Variants in FHAD1 observed in about 807,000 individuals in gnomAD.
FHAD1 encodes forkhead associated phosphopeptide binding domain 1.
FHAD1 carries 146 observed loss-of-function variants against 191.3 expected under a neutral mutation model. The observed-to-expected ratio is 0.76, with a 90% CI of 0.67 to 0.88. The LOEUF is 0.88. Ranked by LOEUF, FHAD1 falls within the 40% of genes least tolerant of loss-of-function variation. FHAD1 has a pLI of 0.00. For synonymous variants in FHAD1, 616 were observed against 672.3 expected, an observed-to-expected ratio of 0.92 and a Z score of 1.29; for missense variants, 1,635 against 1,785.8, an observed-to-expected ratio of 0.92 and a Z score of 1.52.
rs1652257064 is a variant in FHAD1, at chr1:15,263,853, T to A, written c.94-8470T>A. Among the ~76,000 whole-genome samples the A allele has an allele frequency of 2.0e-5, 3 of 152,180 alleles. No individual in the cohort carries two copies. In the South Asian group the frequency reaches 6.2e-4, roughly 31 times the overall value. On this transcript the variant is annotated intron_variant, in intron 2 of 33. Transcript: ENST00000688493. ...ATTCTTTTACTAATACATGTGGATA[T>A]CCAGTTTTCCCAGCATCATTTGTTG...
At chr1:15,357,823 A>C in intron 20 of FHAD1, 1 of 264,640 alleles carries the variant, frequency 3.8e-6, no homozygotes. Flanking sequence ...TCAAATATTT[A>C]AAGGGCTGTC....
At position 15,387,339 on chromosome 1, in the gene FHAD1, A is replaced by T. The variant is rs138661667; in HGVS notation, c.4189-712A>T. Among the ~76,000 whole-genome samples the T allele has an allele frequency of 5.4e-3, 823 of 152,270 alleles. 6 individuals carry two copies. Among genetic ancestry groups the T allele is most frequent in the African/African-American group, 0.019 (785 of 41,570 alleles). ...TTGACCAAAAAGTAGAAATTGGTAG[A>T]TGTGTGGGATGAGAATGGGATGGGG... On this transcript the variant is annotated intron_variant, in intron 31 of 33. Coordinates refer to ENST00000688493, the MANE Select transcript of FHAD1 (RefSeq NM_001391957.1).
rs1313156554 is a variant in FHAD1 at position 15,301,426 on chromosome 1, G to C, written c.900G>C (p.Gln300His). 1.9e-5 allele frequency: 29 copies of C among 1,551,618 alleles called. No homozygotes were observed. Among genetic ancestry groups the C allele is most frequent in the South Asian group, 2.4e-5 (2 of 84,006 alleles). The change falls in exon 6 of 34, where the codon CAG becomes CAC. Residue 300 changes from glutamine (Q) to histidine (H), a missense_variant. Transcript: ENST00000688493. ...EDIDAKQKEI[Q>H]SLKSQISALQ... ...TCGATGCCAAACAGAAAGAGATCCA[G>C]AGCTTGAAAAGCCAGGTAGGCAGAG... is the stretch of plus-strand genomic sequence containing the variant.
At chr1:15,360,079 C>T (rs1469572118) in intron 21 of FHAD1, among the ~76,000 whole-genome samples, 2 of 152,190 alleles carry the variant, frequency 1.3e-5, no homozygotes, top group African/African-American at 4.8e-5. Context: ...TGCCACTGCA[C>T]TCTAATGTGG....
chr1:15,263,801 G>C (rs190859227), intron 2 of FHAD1, among the ~76,000 whole-genome samples: 1 of 152,170 alleles, frequency 6.6e-6, no homozygotes, highest in Non-Finnish European at 1.5e-5. Context: ...GATTACAGGC[G>C]TGAGCCACTG....
chr1:15,331,309 G>GGGTTGGA (rs1237642859), intron 14 of FHAD1, among the ~76,000 whole-genome samples: 2 of 151,846 alleles, frequency 1.3e-5, no homozygotes, highest in African/African-American at 4.8e-5. Context: ...CCACACAGCG[G>GGGTTGGA]GGGCCTAATA....
chr1:15,360,539 A>G lies in FHAD1; in HGVS notation c.2798A>G (p.Gln933Arg). 1.9e-6 allele frequency: 3 copies of G among 1,551,972 alleles called. No individual in the cohort carries two copies. In the South Asian group the frequency reaches 3.6e-5, roughly 18 times the overall value. The change falls in exon 22 of 34, where the codon CAG (glutamine) becomes CGG (arginine). Residue 933 changes from glutamine to arginine, a missense_variant. Transcript: ENST00000688493. The part of the protein sequence containing the change: ...QKMVKALQDE[Q>R]ESQRHGFEEE... ...ATGGTAAAGGCCCTCCAGGATGAGC[A>G]GGAATCACAGAGACACGGGTTTGAA...
At chr1:15,295,136 A>G (rs998626304) in intron 4 of FHAD1, among the ~76,000 whole-genome samples, 3 of 152,190 alleles carry the variant, frequency 2.0e-5, no homozygotes, top group Admixed American at 2.0e-4. Flanking sequence ...CAGGCTCTGG[A>G]TCAGGCAAAC....
chr1:15,386,179 T>C (rs2103045126), intron 31 of FHAD1, among the ~76,000 whole-genome samples: 1 of 151,714 alleles, frequency 6.6e-6, no homozygotes, highest in South Asian at 2.1e-4. Flanking sequence ...CTTCGTGGGG[T>C]GGTTAAATGG....
At chr1:15,246,588 T>C (rs7543843), upstream of FHAD1, among the ~76,000 whole-genome samples, 12,001 of 152,112 alleles carry the variant, frequency 0.079, 948 homozygotes, top group East Asian at 0.25. Flanking sequence ...TCCAGGTGTA[T>C]TCTGGGATCA....
intron 3 of FHAD1, among the ~76,000 whole-genome samples, chr1:15,284,419 C>T (rs1661656554): frequency 6.8e-6 from 1 of 146,138 alleles, no homozygotes; most frequent in Admixed American, 7.1e-5. Context: ...GCGGAGCTTG[C>T]AGTGAGCTGA....
chr1:15,346,111 G>A (rs79853025), intron 18 of FHAD1, among the ~76,000 whole-genome samples: 44 of 152,184 alleles, frequency 2.9e-4, no homozygotes, highest in Non-Finnish European at 4.4e-4. Context: ...AAACAGGGGC[G>A]CCCGCACCCT....
rs1475608701 is a variant in FHAD1, at chr1:15,367,608, T to G, written c.3300T>G (p.Leu1100=). Residue 1100 remains leucine (L), a synonymous_variant, in exon 25 of 34, where the codon CTT becomes CTG. Coordinates refer to ENST00000688493, the MANE Select transcript of FHAD1 (RefSeq NM_001391957.1). ...AGAAAGATCGGGAGCTGAAGGCCCT[T>G]GAGGAGGCACTCAGGTTGGGTGGGC... ...VEKKDRELKA[L]EEALRASQEK... is the part of the protein sequence containing the mutation. The G allele has an allele frequency of 1.2e-5, 16 of 1,296,348 alleles. No individual in the cohort carries two copies. Among genetic ancestry groups the G allele is most frequent in the Non-Finnish European group, 1.5e-5 (15 of 992,704 alleles). The allele number at this position is 1,296,348 out of a possible 1,614,324, so 80.3% of individuals were successfully genotyped here. A position where few individuals can be genotyped will look rare whatever the true frequency, so the allele number is the denominator to read the frequency against.
At chr1:15,350,811 G>A (rs1690599400) in intron 19 of FHAD1, among the ~76,000 whole-genome samples, 1 of 152,196 alleles carries the variant, frequency 6.6e-6, no homozygotes, top group Non-Finnish European at 1.5e-5. Context: ...ACAGCAGGGT[G>A]GGGGCTGCAC....
intron 4 of FHAD1, among the ~76,000 whole-genome samples, chr1:15,291,972 C>T (rs1450122037): frequency 6.6e-6 from 1 of 152,170 alleles, no homozygotes; most frequent in Admixed American, 6.5e-5. Flanking sequence ...TCTTAAGATC[C>T]AGCCTCAGGA....
chr1:15,246,822 T>C (rs1271670382), upstream of FHAD1, among the ~76,000 whole-genome samples: 2 of 152,064 alleles, frequency 1.3e-5, no homozygotes, highest in Admixed American at 6.5e-5. Context: ...CCCCTCTTCT[T>C]ACTCTTTCTA....
chr1:15,348,886 G>A (rs1689845976), intron 18 of FHAD1, among the ~76,000 whole-genome samples, 156 bp from the exon 19 acceptor site: 1 of 152,128 alleles, frequency 6.6e-6, no homozygotes, highest in Non-Finnish European at 1.5e-5. Context: ...GTTGCTGTGA[G>A]ACTGAAGGGC....
chr1:15,350,284 A>G (rs554952644), intron 19 of FHAD1, among the ~76,000 whole-genome samples: 4 of 152,264 alleles, frequency 2.6e-5, no homozygotes, highest in African/African-American at 9.6e-5. Flanking sequence ...CTGCGGAAGC[A>G]GGGGCGGCTC....
At chr1:15,336,263 G>A (rs1684036366) in intron 14 of FHAD1, among the ~76,000 whole-genome samples, 1 of 152,102 alleles carries the variant, frequency 6.6e-6, no homozygotes, top group Non-Finnish European at 1.5e-5. Context: ...TTAGAAAAAC[G>A]TATCAAACTC....
Sources: allele counts gnomAD v4.1 joint callset (sites outside exome capture counted in the v4.1 genomes callset), GRCh38; gene constraint gnomAD v4.1.1; transcripts MANE v1.5; gene names NCBI Gene and HGNC (gene_info 2026-07-23, HGNC 2026-07-21).